The following DNTTIP1 variants were observed in gnomAD, a reference collection of about 807,000 sequenced individuals.
DNTTIP1 encodes the protein deoxynucleotidyltransferase terminal interacting protein 1.
DNTTIP1 carries 22 observed loss-of-function variants against 52.9 expected under a neutral mutation model. The observed-to-expected ratio is 0.42, with a 90% CI of 0.30 to 0.59. DNTTIP1 has a LOEUF of 0.59. Ranked by LOEUF, DNTTIP1 falls within the 20% of genes least tolerant of loss-of-function variation. DNTTIP1 has a pLI of 0.22. For synonymous variants in DNTTIP1, 136 were observed against 155.1 expected (o/e 0.88, Z 0.92); for missense variants, 286 against 435.5 (o/e 0.66, Z 3.06).
intron 11 of DNTTIP1, 91 bp from the exon 12 acceptor site, chr20:45,810,794 G>A: frequency 8.3e-7 from 1 of 1,202,550 alleles, no homozygotes; most frequent in Non-Finnish European, 1.2e-6. Context: ...CCTAGTAGCA[G>A]GCCTTACATT....
rs1981830837 is a variant in DNTTIP1, at chr20:45,811,109, T to C, written c.904T>C (p.Trp302Arg). 11 of 1,614,012 alleles carry C rather than the reference T, an allele frequency of 6.8e-6. No homozygotes were observed. Among genetic ancestry groups the C allele is most frequent in the Non-Finnish European group, 8.5e-6 (10 of 1,180,008 alleles). ...ATTGAAATCCTTTGTCCTACCCTCC[T>C]GGATGGTGGAGAAGATGAGAAAGTA... ...EELKSFVLPS[W>R]MVEKMRKYME... is the part of the protein sequence containing the mutation. The change falls in exon 13 of 13, where the codon TGG becomes CGG. Residue 302 changes from tryptophan (W) to arginine (R), a missense_variant. By Grantham distance (101) the Trp-to-Arg change is moderately radical (BLOSUM62 -3). Coordinates refer to ENST00000372622, the MANE Select transcript of DNTTIP1 (RefSeq NM_052951.3).
At chr20:45,798,923 C>T (rs1289592270) in intron 4 of DNTTIP1, among the ~76,000 whole-genome samples, 1 of 152,204 alleles carries the variant, frequency 6.6e-6, no homozygotes, top group Non-Finnish European at 1.5e-5. Flanking sequence ...TCTAATAGAA[C>T]TTAACAGCCT....
chr20:45,792,762 G>C lies in DNTTIP1; in HGVS notation c.176+15G>C. 6.2e-7 allele frequency: 1 copy of C among 1,604,718 alleles called. No homozygotes were observed. The highest frequency in any genetic ancestry group is 1.1e-5 in the South Asian group (1 of 89,988). ...ATGACAACAAGGTAAGGCTGGCCCTGCATGGGGCTTATATCCCAGCCACTG... is the reference window on the plus strand; with the variant it reads ...ATGACAACAAGGTAAGGCTGGCCCTCCATGGGGCTTATATCCCAGCCACTG... On this transcript the variant is annotated intron_variant, in intron 2 of 12. Coordinates refer to ENST00000372622, the MANE Select transcript of DNTTIP1 (RefSeq NM_052951.3).
chr20:45,810,651 T>C (rs1352427030), intron 11 of DNTTIP1, among the ~76,000 whole-genome samples: 1 of 149,142 alleles, frequency 6.7e-6, no homozygotes, highest in Non-Finnish European at 1.5e-5. Flanking sequence ...GAGAAGGCTA[T>C]AAATAAGTCA....
At chr20:45,796,327 A>G (rs1981235449) in intron 4 of DNTTIP1, 1 of 376,838 alleles carries the variant, frequency 2.7e-6, no homozygotes, top group Non-Finnish European at 5.2e-6. Context: ...TTGAATATAT[A>G]CCATTTCTGT....
At chr20:45,798,701 T>C (rs1396739058) in intron 4 of DNTTIP1, among the ~76,000 whole-genome samples, 1 of 152,182 alleles carries the variant, frequency 6.6e-6, no homozygotes, top group African/African-American at 2.4e-5. Flanking sequence ...CTCCTTCTTT[T>C]CTTCAGATCT....
At position 45,800,911 on chromosome 20, in the gene DNTTIP1, T is replaced by C. The variant is rs561105648; in HGVS notation, c.373-163T>C. Among the ~76,000 whole-genome samples, 11 of 150,446 alleles carry C rather than the reference T, an allele frequency of 7.3e-5. No homozygotes were observed. The East Asian group carries it at 2.1e-3, about 29-fold the overall frequency. On this transcript the variant is annotated intron_variant, in intron 4 of 12. Coordinates refer to ENST00000372622, the MANE Select transcript of DNTTIP1 (RefSeq NM_052951.3). ...TTGGAGGCTGAGGCATGAGAATCAC[T>C]TGAACCCAGGAGATGGAGGTTGCAG...
rs1981816040 is a variant in DNTTIP1, at chr20:45,810,865, C to T, written c.796-20C>T. The T allele has an allele frequency of 3.1e-6, 5 of 1,612,854 alleles. No homozygotes were observed. In the African/African-American group the frequency reaches 6.7e-5, roughly 21 times the overall value. On this transcript the variant is annotated intron_variant, in intron 11 of 12. Transcript: ENST00000372622. ...TGAAATGAATCAGGCAATGACCACT[C>T]TCCCTTGCTCCTGCCTCAGGCCTAC...
At chr20:45,805,428 A>C (rs1981602178) in intron 10 of DNTTIP1, 62 bp downstream of exon 10, 1 of 1,543,132 alleles carries the variant, frequency 6.5e-7, no homozygotes, top group Admixed American at 1.9e-5. Context: ...AACTCCACTC[A>C]GCACAGAGAA....
chr20:45,793,325 G>C (rs1981103636), intron 2 of DNTTIP1, among the ~76,000 whole-genome samples: 1 of 152,198 alleles, frequency 6.6e-6, no homozygotes, highest in South Asian at 2.1e-4. Flanking sequence ...CACTTTGGGA[G>C]GCTGAGGTGG....
chr20:45,800,012 C>G (rs951106502), intron 4 of DNTTIP1, among the ~76,000 whole-genome samples: 5 of 148,990 alleles, frequency 3.4e-5, no homozygotes, highest in Admixed American at 2.7e-4. Context: ...CCCAGCTACT[C>G]AGGAGGCAGA....
chr20:45,795,373 G>A lies in DNTTIP1; in HGVS notation c.302G>A (p.Arg101Gln), dbSNP rs1025045109. Residue 101 changes from arginine (R) to glutamine (Q), a missense_variant, in exon 4 of 13, where the codon CGA becomes CAA. Arg to Gln is a conservative substitution (Grantham distance 43, BLOSUM62 1). This residue lies in a region of DNTTIP1 where 208 missense variants were observed against 266.5 expected (regional missense o/e 0.78). Transcript: ENST00000372622. ...TTCCAGAAGGCAGCACTGAACGTGC[G>A]AGACAATGTTGGGGAGGAGGTGGAC... ...KFFQKAALNV[R>Q]DNVGEEVDAE... 1.4e-5 allele frequency: 22 copies of A among 1,611,394 alleles called. No individual in the cohort carries two copies. Among genetic ancestry groups the A allele is most frequent in the Non-Finnish European group, 1.9e-5 (22 of 1,178,678 alleles).
Position 45,805,171 on chromosome 20 carries a change from C to A in DNTTIP1, c.629C>A (p.Ser210Tyr). 1 of 1,614,234 alleles carries A rather than the reference C, an allele frequency of 6.2e-7. No individual in the cohort carries two copies. Among genetic ancestry groups the A allele is most frequent in the Non-Finnish European group, 8.5e-7 (1 of 1,180,044 alleles). The change falls in exon 9 of 13, where the codon TCT becomes TAT. Residue 210 changes from serine (S) to tyrosine (Y), a missense_variant. By Grantham distance (144) the Ser-to-Tyr change is moderately radical. Transcript: ENST00000372622. ...TGGGACCCAGCTCGCCTGAATGAAT[C>A]TACCACCTTTGTGTTGGGATCTCGA... ...PKWDPARLNE[S>Y]TTFVLGSRAN... is the part of the protein sequence containing the mutation.
At chr20:45,801,525 C>T (rs374846514) in intron 6 of DNTTIP1, 67 bp downstream of exon 6, 1,092 of 1,551,064 alleles carry the variant, frequency 7.0e-4, no homozygotes, top group Non-Finnish European at 8.4e-4. Context: ...TGGTGGCTCA[C>T]ACCTGTAATC....
At chr20:45,794,108 T>C (rs1981147344) in intron 3 of DNTTIP1, 91 bp downstream of exon 3, 1 of 689,804 alleles carries the variant, frequency 1.4e-6, no homozygotes, top group Non-Finnish European at 2.3e-6. Context: ...CTTTCCTACA[T>C]ACAGATATCT....
At chr20:45,803,303 A>G in intron 7 of DNTTIP1, 30 bp from the exon 8 acceptor site, 6 of 1,613,532 alleles carry the variant, frequency 3.7e-6, no homozygotes, top group Non-Finnish European at 5.1e-6. Context: ...CACCTTGGAG[A>G]ATTCACCTTT....
At chr20:45,804,280 C>T (rs1981565871) in intron 8 of DNTTIP1, among the ~76,000 whole-genome samples, 1 of 152,098 alleles carries the variant, frequency 6.6e-6, no homozygotes, top group African/African-American at 2.4e-5. Context: ...CTCTTCCTTA[C>T]CTCCCTACAC....
intron 4 of DNTTIP1, among the ~76,000 whole-genome samples, chr20:45,799,099 C>A (rs1981339011): frequency 6.6e-6 from 1 of 152,170 alleles, no homozygotes; most frequent in Admixed American, 6.5e-5. Context: ...ATGGGGCAGA[C>A]TATTTGGTAT....
At chr20:45,800,694 A>T (rs6073917) in intron 4 of DNTTIP1, among the ~76,000 whole-genome samples, 938 of 16,242 alleles carry the variant, frequency 0.058, 36 homozygotes, top group Middle Eastern at 0.17. Flanking sequence ...AAAAAAAAAA[A>T]ATATATATAT....
Sources: gnomAD v4.1 joint callset for allele counts (sites outside exome capture counted in the v4.1 genomes callset) on GRCh38, gnomAD v4.1.1 for gene constraint, gnomAD v4.1.1 regional missense constraint, MANE v1.5 for transcripts, NCBI Gene and HGNC (gene_info 2026-07-23, HGNC 2026-07-21) for gene names.